Variants in KHDRBS1 observed in about 807,000 individuals in gnomAD.
KHDRBS1 encodes the protein KH RNA binding domain containing, signal transduction associated 1, also known as KH domain-containing, RNA-binding, signal transduction-associated protein 1.
A neutral mutation model predicts 48.4 loss-of-function variants in KHDRBS1; 7 were observed. The ratio of observed to expected loss-of-function variants is 0.14; its 90% CI spans 0.08 to 0.27. KHDRBS1 has a LOEUF of 0.27. Ranked by LOEUF, KHDRBS1 falls within the 10% of genes least tolerant of loss-of-function variation. The pLI is 1.00. For synonymous variants in KHDRBS1, 241 were observed against 235.8 expected (o/e 1.02, Z -0.20); for missense variants, 458 against 601.2 (o/e 0.76, Z 2.49).
chr1:32,057,489 T>TA (rs1639492369), intron 10 of KHDRBS1, among the ~76,000 whole-genome samples: 1 of 151,188 alleles, frequency 6.6e-6, no homozygotes, highest in South Asian at 2.1e-4. Context: ...TCTTTTCTTT[T>TA]TTTTTTTTTT....
At position 32,014,236 on chromosome 1, in the gene KHDRBS1, C is replaced by T. The variant is rs760696661; in HGVS notation, c.241C>T (p.Pro81Ser). The T allele has an allele frequency of 7.2e-6, 11 of 1,526,568 alleles. No homozygotes were observed. The highest frequency in any genetic ancestry group is 7.1e-6 in the Non-Finnish European group (8 of 1,134,538). The allele number at this position is 1,526,568 out of a possible 1,614,324, so 94.6% of individuals were successfully genotyped here. A position where few individuals can be genotyped will look rare whatever the true frequency, so the allele number is the denominator to read the frequency against. The change falls in exon 1 of 9, where the codon CCA becomes TCA. Residue 81 changes from proline (P) to serine (S), a missense_variant. Around this residue, in one of 3 missense-constraint regions of KHDRBS1, gnomAD observed 213 missense variants for 215.6 expected, o/e 0.99. Transcript: ENST00000327300. ...GGGTCCCGACGCGACAGTGGGCGGG[C>T]CAGCGCCGACCCCGCTGCTGCCCCC... Reference protein sequence around the residue: ...ATGPDATVGGPAPTPLLPPSA... With the variant: ...ATGPDATVGGSAPTPLLPPSA...
At chr1:32,053,793 A>G (rs543084514) in intron 10 of KHDRBS1, among the ~76,000 whole-genome samples, 4 of 152,342 alleles carry the variant, frequency 2.6e-5, no homozygotes, top group African/African-American at 9.6e-5. Context: ...CATATAAAAC[A>G]TTCACCAGGC....
At chr1:32,034,811 A>G (rs1471711534) in intron 4 of KHDRBS1, among the ~76,000 whole-genome samples, 4 of 150,330 alleles carry the variant, frequency 2.7e-5, no homozygotes, top group Non-Finnish European at 5.9e-5. Context: ...CCCCGTCTCT[A>G]CTAAAAATTC....
chr1:32,036,849 G>T, intron 4 of KHDRBS1, 61 bp from the exon 5 acceptor site: 1 of 1,533,162 alleles, frequency 6.5e-7, no homozygotes, highest in Non-Finnish European at 8.8e-7. Flanking sequence ...CCGTGGACCA[G>T]ATGATTTCTC....
At chr1:32,014,576 G>A (rs1569751688) in intron 1 of KHDRBS1, among the ~76,000 whole-genome samples, 199 bp downstream of exon 1, 1 of 152,230 alleles carries the variant, frequency 6.6e-6, no homozygotes, top group Non-Finnish European at 1.5e-5. Context: ...CTGCAGTGGA[G>A]GCCCGAAGGC....
chr1:32,049,307 T>C lies in KHDRBS1; in HGVS notation n.1301+3917T>C, dbSNP rs866915679. 3.9e-5 allele frequency among the ~76,000 whole-genome samples: 6 copies of C among 152,192 alleles called. No individual in the cohort carries two copies. In the South Asian group the frequency reaches 1.2e-3, roughly 32 times the overall value. Reference sequence around the variant, plus strand: ...GTGACTTCAGGTGATCCGCCTACCTTGGCCTTCCAAAGTTTGGGATTACAG... The same window carrying C: ...GTGACTTCAGGTGATCCGCCTACCTCGGCCTTCCAAAGTTTGGGATTACAG... On this transcript the variant is annotated intron_variant and non_coding_transcript_variant, in intron 10 of 10. Coordinates refer to the KHDRBS1 transcript ENST00000484270.
downstream of KHDRBS1, among the ~76,000 whole-genome samples, chr1:32,047,252 G>A (rs780483510): frequency 1.7e-4 from 26 of 152,142 alleles, no homozygotes; most frequent in Admixed American, 1.2e-3. Context: ...TCCACCTCCC[G>A]GGTTCAAGCG....
intron 1 of KHDRBS1, among the ~76,000 whole-genome samples, chr1:32,024,114 T>C (rs1332571979): frequency 3.3e-5 from 5 of 152,086 alleles, no homozygotes; most frequent in Non-Finnish European, 5.9e-5. Context: ...TAGCTGGGCG[T>C]GGTGGCAGAT....
At chr1:32,020,435 G>T (rs372756604) in intron 1 of KHDRBS1, among the ~76,000 whole-genome samples, 26 of 151,062 alleles carry the variant, frequency 1.7e-4, no homozygotes, top group East Asian at 1.4e-3. Flanking sequence ...AAAAAAAAAC[G>T]TGCTTACCGT....
rs188379097 is a variant in KHDRBS1, at chr1:32,022,652, A to T, written c.383-7646A>T. Among the ~76,000 whole-genome samples, 393 of 152,190 alleles carry T rather than the reference A, an allele frequency of 2.6e-3. 2 individuals carry two copies. The highest frequency in any genetic ancestry group is 9.2e-3 in the African/African-American group (384 of 41,544). On this transcript the variant is annotated intron_variant, in intron 1 of 8. Coordinates refer to ENST00000327300, the MANE Select transcript of KHDRBS1 (RefSeq NM_006559.3). Reference sequence around the variant, plus strand: ...ACGCTTGTAATCCCAACACTTTGGGAGGCCGAGGCAGGTGGATCACAAGGT... The same window carrying T: ...ACGCTTGTAATCCCAACACTTTGGGTGGCCGAGGCAGGTGGATCACAAGGT...
At chr1:32,026,289 G>C (rs1253891851) in intron 1 of KHDRBS1, among the ~76,000 whole-genome samples, 1 of 152,008 alleles carries the variant, frequency 6.6e-6, no homozygotes, top group Non-Finnish European at 1.5e-5. Context: ...CTCCCAAATA[G>C]CTGGGACCAC....
At chr1:32,023,482 G>C (rs1638901586) in intron 1 of KHDRBS1, among the ~76,000 whole-genome samples, 1 of 152,168 alleles carries the variant, frequency 6.6e-6, no homozygotes, top group African/African-American at 2.4e-5. Context: ...GATAAGATAT[G>C]ATTATTCTGA....
At chr1:32,028,887 C>T (rs1298682155) in intron 1 of KHDRBS1, among the ~76,000 whole-genome samples, 1 of 151,846 alleles carries the variant, frequency 6.6e-6, no homozygotes, top group Non-Finnish European at 1.5e-5. Context: ...GCCCTCATCT[C>T]TATTAGAACT....
Position 32,014,346 on chromosome 1 carries a change from C to A in KHDRBS1, c.351C>A (p.Ser117=). 2 of 1,527,682 alleles carry A rather than the reference C, an allele frequency of 1.3e-6. No individual in the cohort carries two copies. The highest frequency in any genetic ancestry group is 2.6e-5 in the East Asian group (1 of 38,926). 94.6% of individuals were successfully genotyped at this position (1,527,682 alleles called of 1,614,324 possible). A position where few individuals can be genotyped will look rare whatever the true frequency, so the allele number is the denominator to read the frequency against. Residue 117 remains serine (S), a synonymous_variant, in exon 1 of 9, where the codon TCC becomes TCA. Transcript: ENST00000327300. The part of the protein sequence containing the change: ...LMAEKDSLDP[S]FTHAMQLLTA... Reference sequence around the variant, plus strand: ...CCGAGAAGGACTCGCTCGACCCGTCCTTCACTCACGCCATGCAGCTGCTGA... The same window carrying A: ...CCGAGAAGGACTCGCTCGACCCGTCATTCACTCACGCCATGCAGCTGCTGA...
chr1:32,025,929 ATT>A (rs144878624), intron 1 of KHDRBS1, among the ~76,000 whole-genome samples: 3,544 of 145,400 alleles, frequency 0.024, 152 homozygotes, highest in African/African-American at 0.085. Flanking sequence ...ATATATATAT[ATT>A]TATTTATTTA....
chr1:32,049,961 T>C (rs183352298), intron 10 of KHDRBS1, among the ~76,000 whole-genome samples: 2 of 152,212 alleles, frequency 1.3e-5, no homozygotes, highest in African/African-American at 4.8e-5. Flanking sequence ...ACGCCCGGCC[T>C]GTTTAATTTT....
rs146366854 is a variant in KHDRBS1, at chr1:32,034,353, G to A, written c.771+1019G>A. On this transcript the variant is annotated intron_variant, in intron 4 of 8. Coordinates refer to ENST00000327300, the MANE Select transcript of KHDRBS1 (RefSeq NM_006559.3). ...CGAGGAGGGCAGATCACCTGAGGTC[G>A]GGAGTTCGAGACCAGCCTGACCAAC... 2.6e-3 allele frequency among the ~76,000 whole-genome samples: 395 copies of A among 152,094 alleles called. 1 individual carries two copies. Among genetic ancestry groups the A allele is most frequent in the African/African-American group, 8.1e-3 (335 of 41,490 alleles).
chr1:32,047,611 T>C (rs1417709154), downstream of KHDRBS1, among the ~76,000 whole-genome samples: 1 of 152,218 alleles, frequency 6.6e-6, no homozygotes, highest in Non-Finnish European at 1.5e-5. Context: ...TTGATGATAA[T>C]ACCTGACATT....
Position 32,031,596 on chromosome 1 carries a change from A to G in KHDRBS1, c.580A>G (p.Lys194Glu). ...IKRLQEETGAKISVLGKGSMR... is the reference protein window; with the variant it reads ...IKRLQEETGAEISVLGKGSMR... ...AAGACTGCAGGAAGAGACTGGTGCA[A>G]AGATCTCTGTATTGGGAAAGGGCTC... is the stretch of plus-strand genomic sequence containing the variant. Residue 194 changes from lysine to glutamate, a missense_variant, in exon 3 of 9, where the codon AAG becomes GAG. By Grantham distance (56) the Lys-to-Glu change is moderately conservative. Coordinates refer to ENST00000327300, the MANE Select transcript of KHDRBS1 (RefSeq NM_006559.3). The G allele has an allele frequency of 6.2e-7, 1 of 1,612,432 alleles. No homozygotes were observed. Among genetic ancestry groups the G allele is most frequent in the Non-Finnish European group, 8.5e-7 (1 of 1,179,522 alleles).
Sources: gnomAD v4.1 joint callset for allele counts (sites outside exome capture counted in the v4.1 genomes callset) on GRCh38, gnomAD v4.1.1 for gene constraint, gnomAD v4.1.1 regional missense constraint, MANE v1.5 for transcripts, NCBI Gene and HGNC (gene_info 2026-07-23, HGNC 2026-07-21) for gene names.